Variants in FAM120C observed in about 807,000 individuals in gnomAD.
The protein encoded by FAM120C is constitutive coactivator of PPAR-gamma-like protein 2.
Under a neutral mutation model 71.2 loss-of-function variants are expected in FAM120C, and 14 were observed. That is an observed-to-expected ratio of 0.20 (90% CI 0.13 to 0.31). The LOEUF (loss-of-function observed/expected upper bound fraction) is 0.31. Ranked by LOEUF, FAM120C falls within the 10% of genes least tolerant of loss-of-function variation. The pLI is 1.00. For missense variants in FAM120C, 500 were observed against 879.0 expected (o/e 0.57, Z 5.45); for synonymous variants, 354 against 353.2 (o/e 1.00, Z -0.03).
At chrX:54,076,223 C>T (rs1319030137) in intron 15 of FAM120C, among the ~76,000 whole-genome samples, 2 of 110,369 alleles carry the variant, frequency 1.8e-5, no homozygotes, top group Non-Finnish European at 3.8e-5. Flanking sequence ...ACTGTAATCC[C>T]AGCTACTTGG....
chrX:54,122,827 A>AT (rs2067004126), intron 9 of FAM120C, among the ~76,000 whole-genome samples: 1 of 28,829 alleles, frequency 3.5e-5, no homozygotes, highest in Non-Finnish European at 5.5e-5. Context: ...TGGTCTTTAC[A>AT]TTTTGGCATG....
At chrX:54,125,663 T>C (rs942750181) in intron 9 of FAM120C, among the ~76,000 whole-genome samples, 1 of 112,973 alleles carries the variant, frequency 8.9e-6, no homozygotes, top group African/African-American at 3.2e-5. Flanking sequence ...CAGCAATTGC[T>C]TTCAACTTAT....
chrX:54,076,592 C>T (rs2066737165), intron 15 of FAM120C, among the ~76,000 whole-genome samples: 1 of 111,378 alleles, frequency 9.0e-6, no homozygotes, highest in Non-Finnish European at 1.9e-5. Flanking sequence ...GCTAGGTGAC[C>T]TCTAGAGCAG....
rs1557130158 is a variant in FAM120C, at chrX:54,134,932, C to A, written c.1515G>T (p.Gln505His). ...WAVSYDSSAS[Q>H]FPNYLPSKAS... ...CTTTAGAAGGCAGGTAATTGGGAAA[C>A]TGGGATGCAGAAGAGTCATAGGAGA... is the stretch of plus-strand genomic sequence containing the variant. Residue 505 changes from glutamine to histidine, a missense_variant, in exon 7 of 16, where the codon CAG becomes CAT. Gln to His is a conservative substitution (Grantham distance 24). This residue lies in a region of FAM120C where 85 missense variants were observed against 84.9 expected (regional missense o/e 1.00). Transcript: ENST00000375180. 1 of 1,209,431 alleles carries A rather than the reference C, an allele frequency of 8.3e-7. No homozygotes were observed. Among genetic ancestry groups the A allele is most frequent in the African/African-American group, 1.8e-5 (1 of 57,031 alleles).
At chrX:54,105,331 A>T (rs1465156234) in intron 10 of FAM120C, among the ~76,000 whole-genome samples, 1 of 111,897 alleles carries the variant, frequency 8.9e-6, no homozygotes, top group Non-Finnish European at 1.9e-5. Flanking sequence ...CAATAGATGC[A>T]GAAAAGGCCT....
chrX:54,173,409 C>T (rs1419349033), intron 1 of FAM120C, among the ~76,000 whole-genome samples: 2 of 111,606 alleles, frequency 1.8e-5, no homozygotes, highest in Non-Finnish European at 3.8e-5. Context: ...CCACCACGCC[C>T]GGCTAATTTT....
In FAM120C at chrX:54,116,435, CAT is replaced by C. The variant is rs2066968389; in HGVS notation, c.2312+108_2312+109del. 5 of 912,409 alleles carry C rather than the reference CAT, an allele frequency of 5.5e-6. No individual in the cohort carries two copies. The East Asian group carries it at 1.7e-4, about 31-fold the overall frequency. 75.2% of individuals were successfully genotyped at this position (912,409 alleles called of 1,213,427 possible). On this transcript the variant is annotated intron_variant, in intron 10 of 15. Coordinates refer to ENST00000375180, the MANE Select transcript of FAM120C (RefSeq NM_017848.6). ...CGGTGTTTCTGGCGCATAAGCCAAA[CAT>C]AAAATAAAAATTTCCCCACCTTGAA...
chrX:54,081,196 A>T, intron 14 of FAM120C, 126 bp downstream of exon 14: 2 of 674,576 alleles, frequency 3.0e-6, no homozygotes, highest in Non-Finnish European at 4.2e-6. Context: ...AAAGAAAAAA[A>T]GAAAAAAAAA....
intron 1 of FAM120C, among the ~76,000 whole-genome samples, chrX:54,162,222 C>T (rs781927918): frequency 1.2e-4 from 13 of 111,251 alleles, no homozygotes; most frequent in Non-Finnish European, 2.1e-4. Context: ...CTCACAATTC[C>T]GCAATACCTC....
At chrX:54,168,020 T>G (rs1046853401) in intron 1 of FAM120C, among the ~76,000 whole-genome samples, 11 of 109,326 alleles carry the variant, frequency 1.0e-4, no homozygotes, top group Non-Finnish European at 2.1e-4. Flanking sequence ...TGAGAAGACG[T>G]GTCTCATTTC....
intron 9 of FAM120C, among the ~76,000 whole-genome samples, chrX:54,125,114 CAGG>C (rs1163122192): frequency 9.3e-6 from 1 of 108,006 alleles, no homozygotes; most frequent in African/African-American, 3.4e-5. Flanking sequence ...GAGGCTGAGG[CAGG>C]AGAATTGCTT....
chrX:54,164,036 G>C (rs1380889903), intron 1 of FAM120C, among the ~76,000 whole-genome samples: 6 of 109,285 alleles, frequency 5.5e-5, no homozygotes, highest in Non-Finnish European at 7.6e-5. Flanking sequence ...AGGTTTAAGC[G>C]ATCCTCCTGC....
chrX:54,076,468 TTC>T (rs1229944580), intron 15 of FAM120C, among the ~76,000 whole-genome samples: 1 of 111,622 alleles, frequency 9.0e-6, no homozygotes, highest in Non-Finnish European at 1.9e-5. Flanking sequence ...TCTCATACTC[TTC>T]TTTTTCTGTC....
chrX:54,129,904 C>T (rs1431360914), intron 9 of FAM120C, among the ~76,000 whole-genome samples: 1 of 109,834 alleles, frequency 9.1e-6, no homozygotes, highest in East Asian at 2.9e-4. Context: ...CCTGCAATCG[C>T]AGGCACTCGG....
chrX:54,096,045 G>A (rs1223607773), intron 10 of FAM120C, among the ~76,000 whole-genome samples: 1 of 111,779 alleles, frequency 8.9e-6, no homozygotes, highest in African/African-American at 3.2e-5. Flanking sequence ...TTCAGAAAAT[G>A]TAAAAAAGCA....
intron 15 of FAM120C, among the ~76,000 whole-genome samples, chrX:54,079,076 C>A (rs782165222): frequency 1.1e-3 from 114 of 108,069 alleles, no homozygotes; most frequent in African/African-American, 3.6e-3. Context: ...CTGGCTAACA[C>A]AGTGAAACCC....
intron 4 of FAM120C, among the ~76,000 whole-genome samples, chrX:54,145,175 T>G (rs1557132240): frequency 8.9e-6 from 1 of 112,210 alleles, no homozygotes; most frequent in Non-Finnish European, 1.9e-5. Flanking sequence ...TCAAGATGGA[T>G]TATACACTTA....
At chrX:54,118,691 CTTTTT>C (rs1225428604) in intron 9 of FAM120C, among the ~76,000 whole-genome samples, 1 of 34,638 alleles carries the variant, frequency 2.9e-5, no homozygotes, top group Non-Finnish European at 5.7e-5. Context: ...TTGTATTTTT[CTTTTT>C]TTCTTTTTTT....
intron 15 of FAM120C, among the ~76,000 whole-genome samples, chrX:54,075,429 A>G (rs1557120496): frequency 8.9e-6 from 1 of 112,025 alleles, no homozygotes; most frequent in East Asian, 2.8e-4. Context: ...AGTAACAGCC[A>G]TACAAATGGA....
Sources: allele counts gnomAD v4.1 joint callset (sites outside exome capture counted in the v4.1 genomes callset), GRCh38; gene constraint gnomAD v4.1.1; regional missense constraint gnomAD v4.1.1; transcripts MANE v1.5; gene names NCBI Gene and HGNC (gene_info 2026-07-23, HGNC 2026-07-21).